The following PPFIBP1 variants were observed in gnomAD, a reference collection of about 807,000 sequenced individuals.
PPFIBP1 encodes liprin-beta-1.
A neutral mutation model predicts 137.8 loss-of-function variants in PPFIBP1; 112 were observed. That is an observed-to-expected ratio of 0.81 (90% confidence interval 0.70 to 0.95). PPFIBP1 has a LOEUF of 0.95. Among genes scored for constraint, PPFIBP1 ranks in the 40% least tolerant of loss-of-function variants. The pLI, the probability that PPFIBP1 is intolerant of heterozygous loss-of-function variation, is 0.00. For synonymous variants in PPFIBP1, 378 were observed against 417.3 expected (o/e 0.91, Z 1.15); for missense variants, 1,083 against 1,196.6 (o/e 0.91, Z 1.40).
At chr12:27,681,984 T>C (rs2060901502) in intron 22 of PPFIBP1, among the ~76,000 whole-genome samples, 1 of 106,490 alleles carries the variant, frequency 9.4e-6, no homozygotes, top group Non-Finnish European at 1.9e-5. Flanking sequence ...GGCTTTATCA[T>C]TGGCCTGTTT....
intron 28 of PPFIBP1, among the ~76,000 whole-genome samples, chr12:27,692,363 T>G (rs2061600900): frequency 6.6e-6 from 1 of 152,210 alleles, no homozygotes; most frequent in African/African-American, 2.4e-5. Context: ...CAACAATGCT[T>G]TGCTACTATT....
intron 2 of PPFIBP1, among the ~76,000 whole-genome samples, chr12:27,613,792 A>T (rs2055428446): frequency 6.6e-6 from 1 of 151,836 alleles, no homozygotes; most frequent in Non-Finnish European, 1.5e-5. Flanking sequence ...CCTTGATGTC[A>T]GTCCTGTGAG....
chr12:27,600,464 T>G (rs2053855354), intron 2 of PPFIBP1, among the ~76,000 whole-genome samples: 1 of 151,688 alleles, frequency 6.6e-6, no homozygotes, highest in African/African-American at 2.4e-5. Flanking sequence ...GTTAGAAGAA[T>G]ACATTAACAT....
At chr12:27,585,311 C>A (rs2051599936) in intron 2 of PPFIBP1, among the ~76,000 whole-genome samples, 1 of 152,204 alleles carries the variant, frequency 6.6e-6, no homozygotes, top group African/African-American at 2.4e-5. Context: ...CTTTTGTTAA[C>A]CAGCTTTGTC....
chr12:27,647,200 C>T (rs1235049058), intron 5 of PPFIBP1, among the ~76,000 whole-genome samples: 8 of 152,054 alleles, frequency 5.3e-5, no homozygotes, highest in Non-Finnish European at 1.0e-4. Flanking sequence ...GGGGTTTCAC[C>T]GTGTTGGCCA....
intron 1 of PPFIBP1, among the ~76,000 whole-genome samples, chr12:27,555,627 C>G (rs994589631): frequency 6.6e-6 from 1 of 152,168 alleles, no homozygotes; most frequent in African/African-American, 2.4e-5. Flanking sequence ...CAACTCTTCC[C>G]CTTTTCTCTA....
Position 27,586,417 on chromosome 12 carries a change from G to T in PPFIBP1, c.-36+8178G>T, listed in dbSNP as rs1386564705. ...TAAAAATGTTAATAAAGACTATATA[G>T]GGCAGGCATGGCAGCTCAGGCTTGT... On this transcript the variant is annotated intron_variant, in intron 2 of 29. Transcript: ENST00000228425. Among the ~76,000 whole-genome samples, 3 of 152,284 alleles carry T rather than the reference G, an allele frequency of 2.0e-5. No homozygotes were observed. The East Asian group carries it at 5.8e-4, about 29-fold the overall frequency.
intron 1 of PPFIBP1, among the ~76,000 whole-genome samples, chr12:27,569,908 T>C (rs2049998057): frequency 2.0e-5 from 3 of 152,220 alleles, no homozygotes; most frequent in African/African-American, 4.8e-5. Context: ...CTGTTCTCCA[T>C]GGTCTTTAGC....
chr12:27,648,659 T>C (rs997930541), intron 6 of PPFIBP1, among the ~76,000 whole-genome samples: 17 of 152,172 alleles, frequency 1.1e-4, no homozygotes, highest in African/African-American at 4.1e-4. Flanking sequence ...AATGGAGTAC[T>C]ATTCAACTAT....
chr12:27,644,941 C>T (rs1169090075), intron 4 of PPFIBP1, among the ~76,000 whole-genome samples: 2 of 150,906 alleles, frequency 1.3e-5, no homozygotes, highest in African/African-American at 4.9e-5. Context: ...CTTCCCAGCA[C>T]ATGACTTTTA....
chr12:27,576,607 G>T (rs1457435179), intron 1 of PPFIBP1, among the ~76,000 whole-genome samples: 1 of 152,196 alleles, frequency 6.6e-6, no homozygotes. Flanking sequence ...CCTCTGCCCT[G>T]GGGCTCAGGC....
chr12:27,653,733 C>T (rs1160407543), intron 7 of PPFIBP1, among the ~76,000 whole-genome samples: 5 of 151,942 alleles, frequency 3.3e-5, no homozygotes, highest in Admixed American at 6.5e-5. Context: ...TATTGCTTAA[C>T]ACTCTAATTT....
rs1327332082 is a variant in PPFIBP1 at position 27,586,758 on chromosome 12, A to C, written c.-36+8519A>C. Among the ~76,000 whole-genome samples, 5 of 152,254 alleles carry C rather than the reference A, an allele frequency of 3.3e-5. No individual in the cohort carries two copies. The East Asian group carries it at 9.6e-4, about 29-fold the overall frequency. The stretch of plus-strand genomic sequence containing the variant: ...CCCTCAGAAGTCCCCCAGAATGCAC[A>C]ATGCATTATATAGTGACTATGCCTG... On this transcript the variant is annotated intron_variant, in intron 2 of 29. Transcript: ENST00000228425.
intron 7 of PPFIBP1, among the ~76,000 whole-genome samples, chr12:27,652,290 GA>G (rs1425450649): frequency 6.6e-6 from 1 of 152,152 alleles, no homozygotes; most frequent in Non-Finnish European, 1.5e-5. Flanking sequence ...TTAAACTTTG[GA>G]AGATTCAGGA....
chr12:27,558,230 T>G (rs1225395280), intron 1 of PPFIBP1, among the ~76,000 whole-genome samples: 1 of 151,258 alleles, frequency 6.6e-6, no homozygotes, highest in Non-Finnish European at 1.5e-5. Flanking sequence ...TCTTATACCT[T>G]TTTCTTTTCC....
chr12:27,595,950 G>A (rs942818954), intron 2 of PPFIBP1, among the ~76,000 whole-genome samples: 2 of 150,404 alleles, frequency 1.3e-5, no homozygotes, highest in Non-Finnish European at 2.9e-5. Context: ...CCGGATTGAA[G>A]AGGATTCCTC....
At chr12:27,663,779 G>A (rs1565967402) in intron 11 of PPFIBP1, among the ~76,000 whole-genome samples, 1 of 151,860 alleles carries the variant, frequency 6.6e-6, no homozygotes, top group African/African-American at 2.4e-5. Context: ...GGTTGAGGCT[G>A]CAGTGAGCCA....
intron 2 of PPFIBP1, among the ~76,000 whole-genome samples, chr12:27,611,161 T>C (rs970713168): frequency 6.6e-5 from 10 of 152,252 alleles, no homozygotes; most frequent in Non-Finnish European, 1.2e-4. Flanking sequence ...AGACAGTTGG[T>C]TGAATGTTGT....
intron 15 of PPFIBP1, 71 bp from the exon 16 acceptor site, chr12:27,673,694 TTC>T: frequency 7.5e-7 from 1 of 1,336,162 alleles, no homozygotes; most frequent in South Asian, 1.3e-5. Context: ...TTTAGTTTCT[TTC>T]CAAGATGTTT....
Sources: allele counts gnomAD v4.1 joint callset (sites outside exome capture counted in the v4.1 genomes callset), GRCh38; gene constraint gnomAD v4.1.1; transcripts MANE v1.5; gene names NCBI Gene and HGNC (gene_info 2026-07-23, HGNC 2026-07-21).